The following STIM1 variants were observed in gnomAD, a reference collection of about 807,000 sequenced individuals.
STIM1 encodes the protein stromal interaction molecule 1.
A neutral mutation model predicts 74.7 loss-of-function variants in STIM1; 25 were observed. The ratio of observed to expected loss-of-function variants is 0.33; its 90% confidence interval spans 0.24 to 0.47. STIM1 has a LOEUF of 0.47. Ranked by LOEUF, STIM1 falls within the 20% of genes least tolerant of loss-of-function variation. STIM1 has a pLI of 1.00. For synonymous variants in STIM1, 328 were observed against 348.8 expected (o/e 0.94, Z 0.66); for missense variants, 728 against 920.8 (o/e 0.79, Z 2.71).
rs2094530110 is a variant in STIM1, at chr11:4,092,520, A to C, written c.*722A>C. 1 of 153,372 alleles carries C rather than the reference A, an allele frequency of 6.5e-6. No individual in the cohort carries two copies. Among genetic ancestry groups the C allele is most frequent in the Non-Finnish European group, 1.5e-5 (1 of 68,948 alleles). 9.5% of individuals were successfully genotyped at this position (153,372 alleles called of 1,614,324 possible). A position where few individuals can be genotyped will look rare whatever the true frequency, so the allele number is the denominator to read the frequency against. On this transcript the variant is annotated 3_prime_UTR_variant, in exon 13 of 13. Coordinates refer to ENST00000526596, the MANE Select transcript of STIM1 (RefSeq NM_001382567.1). ...ATGCCAGAACTGTAGGTTATAAGGCAGTCACTTTTTCTCTCTACTCCCACC... is the reference window on the plus strand; with the variant it reads ...ATGCCAGAACTGTAGGTTATAAGGCCGTCACTTTTTCTCTCTACTCCCACC...
intron 2 of STIM1, among the ~76,000 whole-genome samples, chr11:3,986,487 A>G (rs939600045): frequency 6.6e-6 from 1 of 152,192 alleles, no homozygotes; most frequent in Non-Finnish European, 1.5e-5. Flanking sequence ...TTTGTGTGCC[A>G]TACTGAGGAA....
At chr11:4,006,593 T>C (rs2093783878) in intron 2 of STIM1, among the ~76,000 whole-genome samples, 1 of 152,176 alleles carries the variant, frequency 6.6e-6, no homozygotes, top group African/African-American at 2.4e-5. Flanking sequence ...TTTATATTTT[T>C]AGTAGAGACG....
chr11:3,911,033 C>T (rs1335722318), intron 1 of STIM1, among the ~76,000 whole-genome samples: 1 of 152,106 alleles, frequency 6.6e-6, no homozygotes, highest in Non-Finnish European at 1.5e-5. Context: ...ATCTACAAGT[C>T]TCATCCTGCT....
At chr11:4,074,713 C>T (rs199784749) in intron 7 of STIM1, 34 bp downstream of exon 7, 98 of 1,550,720 alleles carry the variant, frequency 6.3e-5, no homozygotes, top group Non-Finnish European at 7.5e-5. Context: ...GACACCTTGA[C>T]GGGTGGGTAA....
intron 1 of STIM1, among the ~76,000 whole-genome samples, chr11:3,858,284 C>T (rs1314104194): frequency 6.7e-6 from 1 of 149,946 alleles, no homozygotes; most frequent in Non-Finnish European, 1.5e-5. Flanking sequence ...GGCATTCTAG[C>T]CTTCCTCAGG....
At chr11:3,957,220 C>G (rs2093226091) in intron 1 of STIM1, among the ~76,000 whole-genome samples, 1 of 152,048 alleles carries the variant, frequency 6.6e-6, no homozygotes, top group African/African-American at 2.4e-5. Flanking sequence ...TTGCATTGCT[C>G]AACATGGACC....
intron 1 of STIM1, among the ~76,000 whole-genome samples, chr11:3,923,473 GT>G (rs2092745832): frequency 6.6e-6 from 1 of 152,020 alleles, no homozygotes; most frequent in Non-Finnish European, 1.5e-5. Flanking sequence ...TCTGTGCATG[GT>G]GGTGTACGCC....
chr11:4,060,342 TA>T lies in STIM1; in HGVS notation c.613+947del, dbSNP rs2094322098. On this transcript the variant is annotated intron_variant, in intron 5 of 12. Transcript: ENST00000526596. ...ATTTAGGGTGCCAGCAGAAGAATGC[TA>T]TTGAACCAGGAAACAGTCCAGAGAA... Among the ~76,000 whole-genome samples the T allele has an allele frequency of 2.0e-5, 3 of 152,352 alleles. No homozygotes were observed. The South Asian group carries it at 6.2e-4, about 32-fold the overall frequency.
intron 11 of STIM1, among the ~76,000 whole-genome samples, chr11:4,085,623 A>C (rs188030943): frequency 6.6e-6 from 1 of 152,324 alleles, no homozygotes; most frequent in Admixed American, 6.5e-5. Context: ...TTTTCTGTGA[A>C]ATTTTTTATG....
At chr11:4,066,204 C>T (rs1175580651) in intron 5 of STIM1, among the ~76,000 whole-genome samples, 2 of 152,184 alleles carry the variant, frequency 1.3e-5, no homozygotes, top group Non-Finnish European at 2.9e-5. Flanking sequence ...GTTCACCTAG[C>T]CAGCCACATC....
At chr11:3,863,157 G>A (rs939191660) in intron 1 of STIM1, among the ~76,000 whole-genome samples, 2 of 151,774 alleles carry the variant, frequency 1.3e-5, no homozygotes, top group Admixed American at 6.6e-5. Flanking sequence ...GCCTCCCAAA[G>A]TGTTGGGATT....
intron 2 of STIM1, chr11:3,989,082 A>T: frequency 7.3e-7 from 1 of 1,368,408 alleles, no homozygotes; most frequent in Admixed American, 2.0e-5. Flanking sequence ...CATTTACAAA[A>T]TAGTTGATAA....
rs200706668 is a variant in STIM1, at chr11:4,091,991, G to A, written c.*193G>A. 2 of 758,264 alleles carry A rather than the reference G, an allele frequency of 2.6e-6. No individual in the cohort carries two copies. The highest frequency in any genetic ancestry group is 2.7e-5 in the East Asian group (1 of 36,632). The allele number at this position is 758,264 out of a possible 1,614,324, so 47.0% of individuals were successfully genotyped here. A position where few individuals can be genotyped will look rare whatever the true frequency, so the allele number is the denominator to read the frequency against. The stretch of plus-strand genomic sequence containing the variant: ...TATTATTTATTAACTGACCACCATG[G>A]CCTGCCTGCCCTGCCTCCGTCCCAA... On this transcript the variant is annotated 3_prime_UTR_variant, in exon 13 of 13. Transcript: ENST00000526596.
At chr11:4,021,749 T>C (rs1169260283) in intron 2 of STIM1, among the ~76,000 whole-genome samples, 1 of 152,198 alleles carries the variant, frequency 6.6e-6, no homozygotes, top group Admixed American at 6.5e-5. Context: ...AGGGATTACA[T>C]TGAATCCGTA....
chr11:4,015,749 A>C (rs1408500186), intron 2 of STIM1, among the ~76,000 whole-genome samples: 2 of 151,590 alleles, frequency 1.3e-5, no homozygotes, highest in Non-Finnish European at 3.0e-5. Context: ...GTTTCTTTTT[A>C]CTTTTTTCTC....
At chr11:3,860,279 T>C (rs1362494735) in intron 1 of STIM1, among the ~76,000 whole-genome samples, 1 of 152,248 alleles carries the variant, frequency 6.6e-6, no homozygotes, top group Non-Finnish European at 1.5e-5. Context: ...TGTCAGGCAC[T>C]ATTTAAACAT....
rs1455593191 is a variant in STIM1, at chr11:4,086,391, A to T, written c.1568-86A>T. ...GCATTAGAGGCCCAGGGTGGTCTCC[A>T]GCAAGCATTTATTCATGGGCACCTC... On this transcript the variant is annotated intron_variant, in intron 11 of 12. Transcript: ENST00000526596. The T allele has an allele frequency of 2.6e-6, 4 of 1,517,126 alleles. No homozygotes were observed. The East Asian group carries it at 9.5e-5, about 36-fold the overall frequency. The allele number at this position is 1,517,126 out of a possible 1,614,324, so 94.0% of individuals were successfully genotyped here.
At chr11:4,001,604 C>A (rs375660086) in intron 2 of STIM1, among the ~76,000 whole-genome samples, 2 of 152,068 alleles carry the variant, frequency 1.3e-5, no homozygotes, top group Non-Finnish European at 2.9e-5. Context: ...CATGGAAAGG[C>A]ACAACCGGTA....
intron 2 of STIM1, among the ~76,000 whole-genome samples, chr11:4,007,154 C>T (rs1032450559): frequency 5.3e-5 from 8 of 152,142 alleles, no homozygotes; most frequent in African/African-American, 1.9e-4. Context: ...ACTAAATATA[C>T]TTACTGACAG....
Sources: gnomAD v4.1 joint callset for allele counts (sites outside exome capture counted in the v4.1 genomes callset) on GRCh38, gnomAD v4.1.1 for gene constraint, MANE v1.5 for transcripts, NCBI Gene and HGNC (gene_info 2026-07-23, HGNC 2026-07-21) for gene names.